PPM1L: variants seen among roughly 807,000 people sequenced by gnomAD.
The protein encoded by PPM1L is protein phosphatase 1L.
Under a neutral mutation model 31.4 loss-of-function variants are expected in PPM1L, and 13 were observed. That is an observed-to-expected ratio of 0.41 (90% CI 0.27 to 0.66). PPM1L has a LOEUF of 0.66. PPM1L is among the 30% of genes least tolerant of loss of function. PPM1L has a pLI of 0.29. For missense variants in PPM1L, 326 were observed against 453.7 expected (o/e 0.72, Z 2.56); for synonymous variants, 184 against 175.4 (o/e 1.05, Z -0.39).
At chr3:161,013,274 G>T (rs1025245401) in intron 2 of PPM1L, among the ~76,000 whole-genome samples, 2 of 152,052 alleles carry the variant, frequency 1.3e-5, no homozygotes, top group South Asian at 4.1e-4. Context: ...CCTTCATTTC[G>T]TTATGCACCC....
At position 160,903,140 on chromosome 3, in the gene PPM1L, G is replaced by T. The variant is rs1042479317; in HGVS notation, c.400-58596G>T. On this transcript the variant is annotated intron_variant, in intron 1 of 3. Transcript: ENST00000498165. Reference sequence around the variant, plus strand: ...TGGAATAGTAGCTGTGTCAGTCAGGGTTGTCCAAAGAAATAGAAGCAATAG... The same window carrying T: ...TGGAATAGTAGCTGTGTCAGTCAGGTTTGTCCAAAGAAATAGAAGCAATAG... Among the ~76,000 whole-genome samples, 3 of 143,914 alleles carry T rather than the reference G, an allele frequency of 2.1e-5. No individual in the cohort carries two copies. The East Asian group carries it at 6.4e-4, about 31-fold the overall frequency. 94.4% of individuals were successfully genotyped at this position (143,914 alleles called of 152,430 possible).
intron 1 of PPM1L, among the ~76,000 whole-genome samples, chr3:160,865,489 T>G (rs1485391785): frequency 2.6e-5 from 4 of 152,058 alleles, no homozygotes; most frequent in African/African-American, 9.7e-5. Flanking sequence ...AAAAAAAAAT[T>G]AGTTGGCCGT....
chr3:160,796,212 G>A (rs1251885707), intron 1 of PPM1L, among the ~76,000 whole-genome samples: 2 of 152,196 alleles, frequency 1.3e-5, no homozygotes, highest in African/African-American at 4.8e-5. Context: ...GAAAGCATGC[G>A]AGCATGTCTT....
At chr3:160,825,844 T>C (rs995374645) in intron 1 of PPM1L, among the ~76,000 whole-genome samples, 3 of 152,144 alleles carry the variant, frequency 2.0e-5, no homozygotes, top group Non-Finnish European at 4.4e-5. Context: ...CACACTCATA[T>C]CTAGTAACTG....
intron 1 of PPM1L, among the ~76,000 whole-genome samples, chr3:160,949,428 A>C (rs1715507148): frequency 6.6e-6 from 1 of 152,148 alleles, no homozygotes; most frequent in African/African-American, 2.4e-5. Context: ...AGTCCTTGCA[A>C]GTGGGTTCCT....
chr3:161,010,405 T>A (rs1717854385), intron 2 of PPM1L, among the ~76,000 whole-genome samples: 1 of 152,226 alleles, frequency 6.6e-6, no homozygotes, highest in South Asian at 2.1e-4. Flanking sequence ...TGCCACATTT[T>A]CTTAATCCAG....
At chr3:160,849,012 G>A (rs1264066104) in intron 1 of PPM1L, among the ~76,000 whole-genome samples, 1 of 152,086 alleles carries the variant, frequency 6.6e-6, no homozygotes, top group Non-Finnish European at 1.5e-5. Context: ...ACTACCGCAG[G>A]GTGGAGAGTG....
chr3:160,814,765 C>G (rs959242590), intron 1 of PPM1L, among the ~76,000 whole-genome samples: 3 of 148,586 alleles, frequency 2.0e-5, no homozygotes, highest in African/African-American at 7.5e-5. Flanking sequence ...ATGTATATAC[C>G]ATATATATAC....
chr3:160,816,776 C>T (rs1560115580), intron 1 of PPM1L, among the ~76,000 whole-genome samples: 1 of 152,030 alleles, frequency 6.6e-6, no homozygotes, highest in Non-Finnish European at 1.5e-5. Context: ...AGGCCCCCAT[C>T]ATAAGATTTG....
At chr3:161,021,709 T>C (rs1451034793) in intron 2 of PPM1L, among the ~76,000 whole-genome samples, 1 of 152,126 alleles carries the variant, frequency 6.6e-6, no homozygotes, top group Non-Finnish European at 1.5e-5. Flanking sequence ...AGCTCTGTTG[T>C]TATGTGCATA....
At chr3:160,985,012 C>G (rs531723860) in intron 2 of PPM1L, among the ~76,000 whole-genome samples, 1 of 152,264 alleles carries the variant, frequency 6.6e-6, no homozygotes, top group African/African-American at 2.4e-5. Flanking sequence ...ATTTATCTAA[C>G]CAAAATGTAA....
At chr3:160,943,305 A>C (rs556557155) in intron 1 of PPM1L, among the ~76,000 whole-genome samples, 1 of 152,204 alleles carries the variant, frequency 6.6e-6, no homozygotes, top group African/African-American at 2.4e-5. Context: ...TTTTTGAAAA[A>C]CTTTGAGAAG....
intron 2 of PPM1L, among the ~76,000 whole-genome samples, chr3:161,019,282 C>T (rs1237010677): frequency 7.0e-6 from 1 of 143,190 alleles, no homozygotes; most frequent in African/African-American, 2.5e-5. Flanking sequence ...CAGTCTCAAA[C>T]TCCTGGGTTC....
At chr3:160,993,917 C>G (rs1006970624) in intron 2 of PPM1L, among the ~76,000 whole-genome samples, 1 of 152,006 alleles carries the variant, frequency 6.6e-6, no homozygotes, top group East Asian at 1.9e-4. Flanking sequence ...ACAAAGCCTG[C>G]TCTCTCCCCA....
At chr3:160,935,342 A>G (rs374695700) in intron 1 of PPM1L, among the ~76,000 whole-genome samples, 1 of 152,208 alleles carries the variant, frequency 6.6e-6, no homozygotes. Flanking sequence ...TCTTTAAAGA[A>G]TGGTATAATT....
chr3:160,771,057 G>C (rs907616781), intron 1 of PPM1L, among the ~76,000 whole-genome samples: 1 of 151,970 alleles, frequency 6.6e-6, no homozygotes, highest in Non-Finnish European at 1.5e-5. Context: ...TTATAAATGT[G>C]TAATATCCAA....
At chr3:160,788,023 A>T (rs138320968) in intron 1 of PPM1L, among the ~76,000 whole-genome samples, 1 of 152,086 alleles carries the variant, frequency 6.6e-6, no homozygotes, top group African/African-American at 2.4e-5. Context: ...GTAGCCTTGT[A>T]ATATAGTTTG....
intron 2 of PPM1L, among the ~76,000 whole-genome samples, chr3:161,009,062 A>G (rs1717803610): frequency 6.6e-6 from 1 of 152,330 alleles, no homozygotes; most frequent in South Asian, 2.1e-4. Flanking sequence ...ACAGGGAAGA[A>G]AAGCCAGTGC....
intron 1 of PPM1L, among the ~76,000 whole-genome samples, chr3:160,785,239 T>C (rs969262434): frequency 6.6e-6 from 1 of 152,200 alleles, no homozygotes; most frequent in Non-Finnish European, 1.5e-5. Context: ...AATTTTAAAG[T>C]TCATTTCTTA....
Sources: allele counts gnomAD v4.1 joint callset (sites outside exome capture counted in the v4.1 genomes callset), GRCh38; gene constraint gnomAD v4.1.1; transcripts MANE v1.5; gene names NCBI Gene and HGNC (gene_info 2026-07-23, HGNC 2026-07-21).